The following LRIG1 variants were observed in gnomAD, a reference collection of about 807,000 sequenced individuals.
LRIG1 encodes the protein leucine rich repeats and immunoglobulin like domains 1.
A neutral mutation model predicts 99.2 loss-of-function variants in LRIG1; 48 were observed. The observed-to-expected ratio is 0.48, with a 90% CI of 0.38 to 0.62. The LOEUF (loss-of-function observed/expected upper bound fraction) is 0.62. LRIG1 is among the 20% of genes least tolerant of loss of function. The probability of loss-of-function intolerance (pLI) is 0.00; values close to 1 mark genes in which losing one functional copy is unlikely to be tolerated. For missense variants in LRIG1, 1,646 were observed against 1,434.4 expected (o/e 1.15, Z -2.38); for synonymous variants, 772 against 596.1 (o/e 1.29, Z -4.30).
intron 1 of LRIG1, among the ~76,000 whole-genome samples, chr3:66,471,224 G>A (rs1397200792): frequency 6.6e-6 from 1 of 152,194 alleles, no homozygotes; most frequent in Admixed American, 6.5e-5. Flanking sequence ...GCTTGGAAAT[G>A]GGGAGCGGGA....
At chr3:66,477,797 A>T (rs1426575862) in intron 1 of LRIG1, among the ~76,000 whole-genome samples, 2 of 152,048 alleles carry the variant, frequency 1.3e-5, no homozygotes, top group African/African-American at 4.8e-5. Flanking sequence ...GGGGAGGAAG[A>T]GGGGAGAGGA....
chr3:66,413,888 A>G (rs964110174), intron 5 of LRIG1, among the ~76,000 whole-genome samples: 4 of 152,164 alleles, frequency 2.6e-5, no homozygotes, highest in Admixed American at 2.6e-4. Flanking sequence ...GCCCTCGACA[A>G]TTATTTTGTT....
chr3:66,451,087 G>T (rs990115305), intron 3 of LRIG1, among the ~76,000 whole-genome samples: 1 of 152,068 alleles, frequency 6.6e-6, no homozygotes, highest in African/African-American at 2.4e-5. Flanking sequence ...TCTAACACTT[G>T]ACCATGACAA....
intron 9 of LRIG1, chr3:66,401,508 G>T: frequency 2.7e-6 from 2 of 736,610 alleles, no homozygotes; most frequent in Non-Finnish European, 4.2e-6. Flanking sequence ...ATGAGGGCAG[G>T]CTGTTATTTT....
intron 1 of LRIG1, among the ~76,000 whole-genome samples, chr3:66,474,907 T>C (rs1339221234): frequency 6.6e-6 from 1 of 152,196 alleles, no homozygotes. Context: ...CAATTATCAG[T>C]AAACTCTTTT....
rs2107922706 is a variant in LRIG1, at chr3:66,382,412, GAACA to G, written c.2492-18_2492-15del. On this transcript the variant is annotated splice_polypyrimidine_tract_variant and intron_variant, in intron 15 of 18. Transcript: ENST00000273261. ...CGACGGTTTCATCTGCAAGGAGACA[GAACA>G]AATAGAACACCAGGGTCTCAGTGAC... is the stretch of plus-strand genomic sequence containing the variant. 1 of 1,614,144 alleles carries G rather than the reference GAACA, an allele frequency of 6.2e-7. No individual in the cohort carries two copies. Among genetic ancestry groups the G allele is most frequent in the Non-Finnish European group, 8.5e-7 (1 of 1,179,974 alleles).
chr3:66,464,506 A>AAAC (rs1700427119), intron 1 of LRIG1, among the ~76,000 whole-genome samples: 1 of 868 alleles, frequency 1.2e-3, no homozygotes, highest in Non-Finnish European at 0.056. Flanking sequence ...TTTATTACTT[A>AAAC]AAAAAAAAAA....
intron 1 of LRIG1, among the ~76,000 whole-genome samples, chr3:66,482,148 A>G (rs964115133): frequency 2.0e-5 from 3 of 152,234 alleles, no homozygotes; most frequent in African/African-American, 7.2e-5. Flanking sequence ...GGATCAACAG[A>G]GCCACTGCAA....
At chr3:66,455,589 G>A (rs954082178) in intron 2 of LRIG1, among the ~76,000 whole-genome samples, 2 of 152,212 alleles carry the variant, frequency 1.3e-5, no homozygotes, top group Admixed American at 6.5e-5. Flanking sequence ...GGCAGACATA[G>A]TGGCTGTTTC....
intron 3 of LRIG1, 57 bp downstream of exon 3, chr3:66,451,502 C>A: frequency 6.7e-7 from 1 of 1,489,750 alleles, no homozygotes; most frequent in Non-Finnish European, 9.3e-7. Flanking sequence ...ATCAGCAAGG[C>A]AACAAACACC....
intron 2 of LRIG1, among the ~76,000 whole-genome samples, chr3:66,455,321 A>C (rs1319501175): frequency 2.0e-5 from 3 of 152,362 alleles, no homozygotes; most frequent in South Asian, 4.1e-4. Flanking sequence ...ATTTCAAAAA[A>C]GAATACATAG....
intron 12 of LRIG1, among the ~76,000 whole-genome samples, chr3:66,390,500 T>C (rs1334821845): frequency 1.3e-5 from 2 of 152,184 alleles, no homozygotes; most frequent in Non-Finnish European, 1.5e-5. Context: ...CCCATCTTCA[T>C]GGATTGGGAA....
chr3:66,405,896 G>T, intron 8 of LRIG1: 1 of 1,038,238 alleles, frequency 9.6e-7, no homozygotes, highest in Non-Finnish European at 1.2e-6. Flanking sequence ...CTCAGCCCAG[G>T]CCCCTCCAAC....
In LRIG1 at chr3:66,383,061, G is replaced by A. The variant is rs374876432; in HGVS notation, c.2412C>T (p.Ile804=). ...GIFTIAVVSS[I]VLTSLVWVCI... is the part of the protein sequence containing the mutation. ...ACACCCAGACCAGTGACGTCAGGACGATGCTGCTCACGACAGCAATGGTGA... is the reference window on the plus strand; with the variant it reads ...ACACCCAGACCAGTGACGTCAGGACAATGCTGCTCACGACAGCAATGGTGA... Residue 804 remains isoleucine (I), a synonymous_variant, in exon 15 of 19, where the codon ATC becomes ATT. Coordinates refer to ENST00000273261, the MANE Select transcript of LRIG1 (RefSeq NM_015541.3). 1.4e-5 allele frequency: 22 copies of A among 1,614,080 alleles called. No individual in the cohort carries two copies. Among genetic ancestry groups the A allele is most frequent in the South Asian group, 7.7e-5 (7 of 91,076 alleles).
chr3:66,415,163 T>A, intron 4 of LRIG1, 100 bp from the exon 5 acceptor site: 1 of 1,237,720 alleles, frequency 8.1e-7, no homozygotes, highest in Non-Finnish European at 1.1e-6. Context: ...GGAAGATGAG[T>A]TAAGACACCA....
intron 7 of LRIG1, chr3:66,409,770 A>T (rs1013356607): frequency 5.3e-6 from 1 of 190,002 alleles, no homozygotes; most frequent in African/African-American, 2.3e-5. Context: ...AGTCACTCTC[A>T]AAATGGCTCC....
intron 1 of LRIG1, among the ~76,000 whole-genome samples, chr3:66,471,929 T>A (rs1700604994): frequency 6.6e-6 from 1 of 152,172 alleles, no homozygotes. Flanking sequence ...AAATGTCCAC[T>A]TTCAGGAGAC....
Position 66,386,023 on chromosome 3 carries a change from A to C in LRIG1, c.1747T>G (p.Phe583Val). 6.2e-7 allele frequency: 1 copy of C among 1,614,166 alleles called. No homozygotes were observed. The stretch of plus-strand genomic sequence containing the variant: ...GCCTTATGTGAATAGGTGGAGCCAA[A>C]GTGGTTGGTGATGACACATTGGTAG... ...GRYQCVITNH[F>V]GSTYSHKARL... Residue 583 changes from phenylalanine (F) to valine (V), a missense_variant, in exon 13 of 19, where the codon TTT (phenylalanine) becomes GTT (valine). Transcript: ENST00000273261.
intron 3 of LRIG1, among the ~76,000 whole-genome samples, chr3:66,422,869 A>G (rs1702863878): frequency 6.6e-6 from 1 of 152,232 alleles, no homozygotes; most frequent in African/African-American, 2.4e-5. Context: ...CCTCACAATC[A>G]TGGCAGAAGG....
Sources: allele counts gnomAD v4.1 joint callset (sites outside exome capture counted in the v4.1 genomes callset), GRCh38; gene constraint gnomAD v4.1.1; transcripts MANE v1.5; gene names NCBI Gene and HGNC (gene_info 2026-07-23, HGNC 2026-07-21).